The following EFNA5 variants were observed in gnomAD, a reference collection of about 807,000 sequenced individuals.
EFNA5 encodes ephrin-A5.
Under a neutral mutation model 22.9 loss-of-function variants are expected in EFNA5, and 5 were observed. The observed-to-expected ratio is 0.22, with a 90% CI of 0.11 to 0.46. EFNA5 has a LOEUF of 0.46. Among genes scored for constraint, EFNA5 ranks in the 20% least tolerant of loss-of-function variants. The pLI, the probability that EFNA5 is intolerant of heterozygous loss-of-function variation, is 0.99. For synonymous variants in EFNA5, 113 were observed against 112.2 expected, an observed-to-expected ratio of 1.01 and a Z score of -0.04; for missense variants, 237 against 293.3, an observed-to-expected ratio of 0.81 and a Z score of 1.40.
At chr5:107,622,944 C>G (rs1448994006) in intron 1 of EFNA5, among the ~76,000 whole-genome samples, 1 of 144,454 alleles carries the variant, frequency 6.9e-6, no homozygotes, top group Admixed American at 7.2e-5. Flanking sequence ...TGGCGTGAAC[C>G]CGGGAAGCGG....
chr5:107,574,974 C>A (rs1442995921), intron 1 of EFNA5, among the ~76,000 whole-genome samples: 1 of 152,188 alleles, frequency 6.6e-6, no homozygotes, highest in Non-Finnish European at 1.5e-5. Flanking sequence ...CTGAAGGACA[C>A]CCCTGTCTAA....
chr5:107,422,729 C>A (rs374475779), intron 2 of EFNA5, among the ~76,000 whole-genome samples: 1 of 152,020 alleles, frequency 6.6e-6, no homozygotes, highest in South Asian at 2.1e-4. Context: ...CCTTGCTGGC[C>A]AGGTTAGAGA....
At chr5:107,503,556 A>T (rs1040760240) in intron 1 of EFNA5, among the ~76,000 whole-genome samples, 5 of 152,222 alleles carry the variant, frequency 3.3e-5, no homozygotes, top group African/African-American at 1.2e-4. Flanking sequence ...TAAAATTAAG[A>T]GTAAATCATT....
At chr5:107,509,422 G>A (rs1009617341) in intron 1 of EFNA5, among the ~76,000 whole-genome samples, 3 of 150,762 alleles carry the variant, frequency 2.0e-5, no homozygotes, top group Admixed American at 1.3e-4. Flanking sequence ...GGATTCAAGC[G>A]ATTCTCCTCC....
intron 1 of EFNA5, among the ~76,000 whole-genome samples, chr5:107,500,132 T>C (rs571466333): frequency 1.3e-5 from 2 of 152,284 alleles, no homozygotes; most frequent in South Asian, 4.1e-4. Context: ...CACTCTTGGA[T>C]AGTGTCAAAG....
At chr5:107,653,761 C>T (rs1017088832) in intron 1 of EFNA5, among the ~76,000 whole-genome samples, 1 of 152,146 alleles carries the variant, frequency 6.6e-6, no homozygotes, top group African/African-American at 2.4e-5. Context: ...CAATCGTCTT[C>T]CAACACTGAT....
chr5:107,641,820 G>A (rs1750518233), intron 1 of EFNA5, among the ~76,000 whole-genome samples: 1 of 152,108 alleles, frequency 6.6e-6, no homozygotes, highest in Admixed American at 6.5e-5. Flanking sequence ...GCACAAATGG[G>A]TTTTTATACC....
At chr5:107,451,364 A>T (rs1028674274) in intron 1 of EFNA5, among the ~76,000 whole-genome samples, 1 of 152,244 alleles carries the variant, frequency 6.6e-6, no homozygotes. Context: ...ATAAATAAAT[A>T]AAAAGCAAGA....
intron 1 of EFNA5, among the ~76,000 whole-genome samples, chr5:107,517,905 G>C (rs1240287068): frequency 6.6e-6 from 1 of 152,126 alleles, no homozygotes; most frequent in Non-Finnish European, 1.5e-5. Context: ...AGTAGAATTG[G>C]GTTGGGTTGA....
chr5:107,582,321 T>C (rs922084102), intron 1 of EFNA5, among the ~76,000 whole-genome samples: 1 of 152,232 alleles, frequency 6.6e-6, no homozygotes, highest in African/African-American at 2.4e-5. Context: ...ATTCATGAAT[T>C]GTTCCACATA....
intron 1 of EFNA5, among the ~76,000 whole-genome samples, chr5:107,533,449 T>C (rs1290165438): frequency 5.3e-5 from 8 of 152,276 alleles, no homozygotes; most frequent in African/African-American, 1.9e-4. Flanking sequence ...CCCAGAAGAA[T>C]AACTATAATA....
At chr5:107,578,456 C>T (rs1325564895) in intron 1 of EFNA5, among the ~76,000 whole-genome samples, 1 of 152,022 alleles carries the variant, frequency 6.6e-6, no homozygotes, top group Non-Finnish European at 1.5e-5. Context: ...CCACACGAGG[C>T]CAAAACCAGT....
chr5:107,521,337 T>C (rs1286932170), intron 1 of EFNA5, among the ~76,000 whole-genome samples: 1 of 151,920 alleles, frequency 6.6e-6, no homozygotes, highest in African/African-American at 2.4e-5. Flanking sequence ...TGGCCCAGGC[T>C]GGAGTACAAT....
At chr5:107,655,378 T>A (rs1243706152) in intron 1 of EFNA5, among the ~76,000 whole-genome samples, 1 of 152,146 alleles carries the variant, frequency 6.6e-6, no homozygotes, top group Non-Finnish European at 1.5e-5. Flanking sequence ...AAATCTAGCT[T>A]TCCTATGAGC....
intron 1 of EFNA5, among the ~76,000 whole-genome samples, chr5:107,486,657 C>G (rs1265381591): frequency 6.6e-6 from 1 of 152,166 alleles, no homozygotes; most frequent in South Asian, 2.1e-4. Flanking sequence ...AAGCAAGACT[C>G]TTCAGTGTTC....
At chr5:107,416,873 T>C (rs1226435944) in intron 2 of EFNA5, among the ~76,000 whole-genome samples, 2 of 152,198 alleles carry the variant, frequency 1.3e-5, no homozygotes, top group African/African-American at 4.8e-5. Flanking sequence ...GAAGCAAGTA[T>C]GTCTGAAATC....
At chr5:107,589,950 T>C (rs1333222550) in intron 1 of EFNA5, among the ~76,000 whole-genome samples, 1 of 152,190 alleles carries the variant, frequency 6.6e-6, no homozygotes, top group African/African-American at 2.4e-5. Flanking sequence ...TCCTGCCTTT[T>C]CTCAAGAATG....
intron 1 of EFNA5, among the ~76,000 whole-genome samples, chr5:107,456,402 CA>C (rs1330249322): frequency 6.6e-6 from 1 of 152,130 alleles, no homozygotes; most frequent in African/African-American, 2.4e-5. Context: ...GCCAGCTGTT[CA>C]TGCACTGTCA....
At chr5:107,643,954 G>A (rs1033677661) in intron 1 of EFNA5, among the ~76,000 whole-genome samples, 7 of 151,884 alleles carry the variant, frequency 4.6e-5, no homozygotes, top group South Asian at 2.1e-4. Context: ...AAGACTTTTC[G>A]GATGAATTAC....
Sources: gnomAD v4.1 joint callset for allele counts (sites outside exome capture counted in the v4.1 genomes callset) on GRCh38, gnomAD v4.1.1 for gene constraint, MANE v1.5 for transcripts, NCBI Gene and HGNC (gene_info 2026-07-23, HGNC 2026-07-21) for gene names.